The following PTPRM variants were observed in gnomAD, a reference collection of about 807,000 sequenced individuals.
The protein encoded by PTPRM is protein tyrosine phosphatase receptor type M.
In PTPRM, 47 loss-of-function variants were observed where a neutral mutation model predicts 186.7. The observed-to-expected ratio is 0.25, with a 90% CI of 0.20 to 0.32. PTPRM has a LOEUF of 0.32. PTPRM is among the 10% of genes least tolerant of loss of function. PTPRM has a pLI of 1.00. For missense variants in PTPRM, 1,494 were observed against 1,865.0 expected, an observed-to-expected ratio of 0.80 and a Z score of 3.66; for synonymous variants, 668 against 674.9, an observed-to-expected ratio of 0.99 and a Z score of 0.16.
intron 3 of PTPRM, among the ~76,000 whole-genome samples, chr18:7,897,114 G>GA (rs2049402011): frequency 6.6e-6 from 1 of 152,166 alleles, no homozygotes; most frequent in African/African-American, 2.4e-5. Context: ...TGACCAAATG[G>GA]AAAGAAGCAC....
intron 3 of PTPRM, among the ~76,000 whole-genome samples, chr18:7,892,283 C>T (rs1268578704): frequency 6.6e-6 from 1 of 152,162 alleles, no homozygotes. Flanking sequence ...TGCAGTCAGA[C>T]GTGGAATTTC....
chr18:8,164,538 C>T (rs1451706386), intron 14 of PTPRM, among the ~76,000 whole-genome samples: 1 of 152,166 alleles, frequency 6.6e-6, no homozygotes, highest in Non-Finnish European at 1.5e-5. Flanking sequence ...GAAATCCTGA[C>T]ACATGCTACA....
At chr18:7,841,484 C>T (rs567800627) in intron 2 of PTPRM, among the ~76,000 whole-genome samples, 32 of 151,696 alleles carry the variant, frequency 2.1e-4, no homozygotes, top group African/African-American at 7.0e-4. Context: ...TTAGTAGAGA[C>T]GGGTTTTCAC....
intron 13 of PTPRM, among the ~76,000 whole-genome samples, chr18:8,129,901 C>T (rs574228188): frequency 6.6e-6 from 1 of 152,260 alleles, no homozygotes; most frequent in South Asian, 2.1e-4. Context: ...AGAAGTCAGG[C>T]TGGTGAATGG....
intron 1 of PTPRM, among the ~76,000 whole-genome samples, chr18:7,632,753 G>A (rs768025038): frequency 6.6e-6 from 1 of 152,198 alleles, no homozygotes; most frequent in Non-Finnish European, 1.5e-5. Context: ...AAATAATGGA[G>A]AGTTAGAATG....
intron 2 of PTPRM, among the ~76,000 whole-genome samples, chr18:7,866,648 A>G (rs1489496331): frequency 6.6e-6 from 1 of 152,240 alleles, no homozygotes; most frequent in Admixed American, 6.5e-5. Flanking sequence ...TGCTGCTGAG[A>G]AAAATTCATA....
At chr18:8,124,329 A>AT (rs1051457918) in intron 13 of PTPRM, among the ~76,000 whole-genome samples, 1 of 152,104 alleles carries the variant, frequency 6.6e-6, no homozygotes, top group Admixed American at 6.5e-5. Context: ...TTTCTTTTGC[A>AT]TTTTCCATTT....
intron 11 of PTPRM, among the ~76,000 whole-genome samples, chr18:8,100,298 T>C (rs1259595383): frequency 6.6e-6 from 1 of 152,074 alleles, no homozygotes. Flanking sequence ...CCTACCACCA[T>C]GCCTGGCTAA....
At chr18:8,348,621 G>A (rs1159738948) in intron 23 of PTPRM, among the ~76,000 whole-genome samples, 1 of 152,162 alleles carries the variant, frequency 6.6e-6, no homozygotes, top group Non-Finnish European at 1.5e-5. Flanking sequence ...TGTTTCCCAG[G>A]CATTCCCATT....
intron 1 of PTPRM, among the ~76,000 whole-genome samples, chr18:7,615,105 C>T (rs2037770717): frequency 2.0e-5 from 3 of 151,970 alleles, no homozygotes; most frequent in African/African-American, 7.2e-5. Context: ...TAGGAAGGTT[C>T]TTCAAAATCG....
At chr18:7,804,930 G>A (rs953051812) in intron 2 of PTPRM, among the ~76,000 whole-genome samples, 9 of 152,158 alleles carry the variant, frequency 5.9e-5, no homozygotes, top group African/African-American at 2.2e-4. Context: ...TCTGCTCCCA[G>A]CATTTCTGTC....
chr18:8,216,384 T>TTGTTC (rs2094086313), intron 14 of PTPRM, among the ~76,000 whole-genome samples: 1 of 152,216 alleles, frequency 6.6e-6, no homozygotes, highest in African/African-American at 2.4e-5. Flanking sequence ...CAATAACAAA[T>TTGTTC]AACTTGTTCA....
intron 7 of PTPRM, among the ~76,000 whole-genome samples, chr18:8,048,366 A>G (rs2087218309): frequency 6.6e-6 from 1 of 152,082 alleles, no homozygotes; most frequent in Admixed American, 6.6e-5. Flanking sequence ...TCTTTTTAAA[A>G]TAAAAGTGGC....
intron 2 of PTPRM, among the ~76,000 whole-genome samples, chr18:7,859,710 G>A (rs182787220): frequency 5.9e-5 from 9 of 152,334 alleles, no homozygotes; most frequent in African/African-American, 2.2e-4. Context: ...GTACCCTGTG[G>A]TGCAAACATT....
chr18:7,661,483 G>A (rs1309971838), intron 1 of PTPRM, among the ~76,000 whole-genome samples: 1 of 152,228 alleles, frequency 6.6e-6, no homozygotes, highest in Non-Finnish European at 1.5e-5. Context: ...GGAAGGCAGT[G>A]ACAATGAATG....
intron 1 of PTPRM, among the ~76,000 whole-genome samples, chr18:7,704,504 G>T (rs2040033465): frequency 6.6e-6 from 1 of 152,074 alleles, no homozygotes; most frequent in Admixed American, 6.6e-5. Flanking sequence ...TATTTCTGTG[G>T]GATCAGGGGT....
intron 14 of PTPRM, among the ~76,000 whole-genome samples, chr18:8,219,294 C>T (rs1167915350): frequency 3.3e-5 from 5 of 152,072 alleles, no homozygotes; most frequent in East Asian, 3.9e-4. Context: ...GGTGAAACCC[C>T]GTCTCTACTT....
intron 14 of PTPRM, among the ~76,000 whole-genome samples, chr18:8,221,398 T>C (rs1201423192): frequency 1.3e-5 from 2 of 152,164 alleles, no homozygotes; most frequent in Non-Finnish European, 2.9e-5. Context: ...TATGCAATGT[T>C]GAATGGATTG....
intron 2 of PTPRM, among the ~76,000 whole-genome samples, chr18:7,842,372 C>T (rs980193215): frequency 2.0e-5 from 3 of 152,140 alleles, no homozygotes; most frequent in Non-Finnish European, 4.4e-5. Flanking sequence ...ACTCAAGCCA[C>T]CCAACTAACC....
Sources: gnomAD v4.1 joint callset for allele counts (sites outside exome capture counted in the v4.1 genomes callset) on GRCh38, gnomAD v4.1.1 for gene constraint, MANE v1.5 for transcripts, NCBI Gene and HGNC (gene_info 2026-07-23, HGNC 2026-07-21) for gene names.